The following SWAP70 variants were observed in gnomAD, a reference collection of about 807,000 sequenced individuals.
The protein encoded by SWAP70 is switching B cell complex subunit SWAP70, also known as switch-associated protein 70.
A neutral mutation model predicts 80.2 loss-of-function variants in SWAP70; 34 were observed. The observed-to-expected ratio is 0.42, with a 90% CI of 0.32 to 0.56. The LOEUF (loss-of-function observed/expected upper bound fraction) is 0.56, where lower values mean the gene tolerates loss of function less well. Ranked by LOEUF, SWAP70 falls within the 20% of genes least tolerant of loss-of-function variation. The probability of loss-of-function intolerance (pLI) is 0.09; values close to 1 mark genes in which losing one functional copy is unlikely to be tolerated. For missense variants in SWAP70, 578 were observed against 690.7 expected (o/e 0.84, Z 1.83); for synonymous variants, 239 against 238.5 (o/e 1.00, Z -0.02).
At chr11:9,698,110 T>G (rs2134452352) in intron 2 of SWAP70, among the ~76,000 whole-genome samples, 1 of 148,214 alleles carries the variant, frequency 6.7e-6, no homozygotes, top group Non-Finnish European at 1.5e-5. Context: ...GTTTTTTTTT[T>G]TTTTTTTTGA....
intron 4 of SWAP70, among the ~76,000 whole-genome samples, chr11:9,725,583 T>TTG (rs1851212256): frequency 7.9e-6 from 1 of 127,208 alleles, no homozygotes; most frequent in African/African-American, 3.1e-5. Flanking sequence ...TTTTTTTTTT[T>TTG]TTTTTCCAAG....
chr11:9,710,794 C>G (rs942924893), intron 2 of SWAP70, among the ~76,000 whole-genome samples: 1 of 151,712 alleles, frequency 6.6e-6, no homozygotes, highest in South Asian at 2.1e-4. Flanking sequence ...ATCCTTCTGC[C>G]TGACCTTCCT....
intron 6 of SWAP70, among the ~76,000 whole-genome samples, chr11:9,731,283 A>C (rs1237310506): frequency 1.3e-5 from 2 of 152,224 alleles, no homozygotes; most frequent in African/African-American, 4.8e-5. Context: ...TGGAGAATGT[A>C]GTCATTTTTG....
At chr11:9,720,167 A>G (rs1029376828) in intron 3 of SWAP70, 1 of 985,238 alleles carries the variant, frequency 1.0e-6, no homozygotes, top group Admixed American at 6.2e-5. Context: ...TCCTTGGCCC[A>G]ATATAATGAA....
In SWAP70 at chr11:9,747,988, C is replaced by G; in HGVS notation, c.1486C>G (p.Leu496Val). The change falls in exon 10 of 12, where the codon CTG becomes GTG. Residue 496 changes from leucine (L) to valine (V), a missense_variant. Physicochemically the swap from Leu to Val is conservative, Grantham distance 32 (BLOSUM62 1). Transcript: ENST00000318950. Reference sequence around the variant, plus strand: ...TCAGCGTGTCCTGAAGGAACAGGCCCTGCAGGAGGCCATGGAGCAGCTGGA... The same window carrying G: ...TCAGCGTGTCCTGAAGGAACAGGCCGTGCAGGAGGCCATGGAGCAGCTGGA... Reference protein sequence around the residue: ...ENQRVLKEQALQEAMEQLEQL... With the variant: ...ENQRVLKEQAVQEAMEQLEQL... 1 of 1,614,130 alleles carries G rather than the reference C, an allele frequency of 6.2e-7. No homozygotes were observed. The highest frequency in any genetic ancestry group is 8.5e-7 in the Non-Finnish European group (1 of 1,179,974).
At chr11:9,737,307 G>GT (rs1479738042) in intron 7 of SWAP70, among the ~76,000 whole-genome samples, 1 of 152,164 alleles carries the variant, frequency 6.6e-6, no homozygotes, top group Non-Finnish European at 1.5e-5. Flanking sequence ...CACTGACACT[G>GT]TGGGGGTGGG....
At chr11:9,664,305 A>G in intron 1 of SWAP70, 27 bp downstream of exon 1, 1 of 1,518,884 alleles carries the variant, frequency 6.6e-7, no homozygotes. Flanking sequence ...CCGGCCCCCC[A>G]CCCGACCCTC....
rs541911312 is a variant in SWAP70, at chr11:9,749,215, A to T, written c.1651+32A>T. ...GACTCTATGAAGTAATCATATATTT[A>T]TTTTTATTTTTCATTTTTATTTTAT... On this transcript the variant is annotated intron_variant, in intron 11 of 11. Transcript: ENST00000318950. 14 of 1,171,826 alleles carry T rather than the reference A, an allele frequency of 1.2e-5. No individual in the cohort carries two copies. In the East Asian group the frequency reaches 4.4e-4, roughly 37 times the overall value. The allele number at this position is 1,171,826 out of a possible 1,614,324, so 72.6% of individuals were successfully genotyped here.
intron 9 of SWAP70, chr11:9,740,689 A>G: frequency 2.9e-6 from 1 of 344,940 alleles, no homozygotes; most frequent in South Asian, 2.6e-5. Context: ...AACACGCTCC[A>G]GACCAGAGAG....
chr11:9,669,353 C>T (rs1431242019), intron 1 of SWAP70, among the ~76,000 whole-genome samples: 1 of 152,088 alleles, frequency 6.6e-6, no homozygotes, highest in Non-Finnish European at 1.5e-5. Flanking sequence ...CTTCAGCTTC[C>T]CAAGTAGCTG....
intron 3 of SWAP70, chr11:9,720,477 G>T: frequency 3.0e-6 from 3 of 985,474 alleles, no homozygotes; most frequent in Non-Finnish European, 3.6e-6. Flanking sequence ...CGTGGGTTCA[G>T]TAAGAGGTAG....
chr11:9,741,140 A>G (rs1590048066), intron 9 of SWAP70: 1 of 152,178 alleles, frequency 6.6e-6, no homozygotes, highest in Non-Finnish European at 1.5e-5. Context: ...GAGATGAGCT[A>G]GGGTAGATTT....
At chr11:9,683,273 C>T (rs1850590412) in intron 1 of SWAP70, among the ~76,000 whole-genome samples, 1 of 149,640 alleles carries the variant, frequency 6.7e-6, no homozygotes. Context: ...TGGCAGGTGC[C>T]TGTAGTCCCA....
chr11:9,680,315 T>G (rs1167638477), intron 1 of SWAP70, among the ~76,000 whole-genome samples: 1 of 152,230 alleles, frequency 6.6e-6, no homozygotes, highest in Non-Finnish European at 1.5e-5. Flanking sequence ...GGCTGTTGAC[T>G]GCTTGAAAAT....
chr11:9,709,256 C>T (rs7949818), intron 2 of SWAP70, among the ~76,000 whole-genome samples: 49,460 of 151,756 alleles, frequency 0.33, 8,312 homozygotes, highest in Non-Finnish European at 0.35. Flanking sequence ...TCCCGAGTAG[C>T]TGGGGCTAAA....
chr11:9,671,215 A>G (rs1470563551), intron 1 of SWAP70, among the ~76,000 whole-genome samples: 5,215 of 71,664 alleles, frequency 0.073, 308 homozygotes, highest in Non-Finnish European at 0.1. Context: ...AAATATAAAT[A>G]TAAAAATATA....
At chr11:9,693,823 C>T (rs1590020576) in intron 1 of SWAP70, among the ~76,000 whole-genome samples, 3 of 148,708 alleles carry the variant, frequency 2.0e-5, no homozygotes, top group Non-Finnish European at 3.0e-5. Flanking sequence ...TCTTAGACTT[C>T]CCCCCCCACC....
intron 2 of SWAP70, among the ~76,000 whole-genome samples, chr11:9,698,631 C>G (rs1321979046): frequency 6.6e-6 from 1 of 152,176 alleles, no homozygotes; most frequent in Non-Finnish European, 1.5e-5. Flanking sequence ...TCTCCAACTC[C>G]TGACTTCAGG....
At chr11:9,664,931 G>A (rs1021683028) in intron 1 of SWAP70, among the ~76,000 whole-genome samples, 1 of 152,152 alleles carries the variant, frequency 6.6e-6, no homozygotes, top group African/African-American at 2.4e-5. Flanking sequence ...TTAGTTCCGG[G>A]TGAGGAGCGC....
Sources: gnomAD v4.1 joint callset for allele counts (sites outside exome capture counted in the v4.1 genomes callset) on GRCh38, gnomAD v4.1.1 for gene constraint, MANE v1.5 for transcripts, NCBI Gene and HGNC (gene_info 2026-07-23, HGNC 2026-07-21) for gene names.